The following PCDH15 variants were observed in gnomAD, a reference collection of about 807,000 sequenced individuals.
PCDH15 encodes protocadherin-15.
In PCDH15, 129 loss-of-function variants were observed where a neutral mutation model predicts 178.5. That is an observed-to-expected ratio of 0.72 (90% CI 0.63 to 0.84). The LOEUF (loss-of-function observed/expected upper bound fraction) is 0.84. PCDH15 is among the 40% of genes least tolerant of loss of function. PCDH15 has a pLI of 0.00. For synonymous variants in PCDH15, 800 were observed against 732.0 expected (o/e 1.09, Z -1.50); for missense variants, 2,230 against 2,099.9 (o/e 1.06, Z -1.21).
intron 2 of PCDH15, among the ~76,000 whole-genome samples, chr10:54,645,334 AT>A (rs2094107148): frequency 6.6e-6 from 1 of 152,114 alleles, no homozygotes; most frequent in Non-Finnish European, 1.5e-5. Context: ...AGAGAGAGAA[AT>A]GGTAAATAGA....
At chr10:54,541,586 T>C (rs1565548111) in intron 2 of PCDH15, among the ~76,000 whole-genome samples, 1 of 152,160 alleles carries the variant, frequency 6.6e-6, no homozygotes, top group South Asian at 2.1e-4. Flanking sequence ...CCAAAAGAAC[T>C]TTTCTGTTAT....
At chr10:53,914,272 C>G (rs1209295237) in intron 25 of PCDH15, among the ~76,000 whole-genome samples, 1 of 151,974 alleles carries the variant, frequency 6.6e-6, no homozygotes, top group Non-Finnish European at 1.5e-5. Context: ...GGATATATAC[C>G]CAAAGGATGA....
chr10:55,020,656 G>T (rs114305565), intron 2 of PCDH15, among the ~76,000 whole-genome samples: 3,313 of 152,176 alleles, frequency 0.022, 120 homozygotes, highest in African/African-American at 0.075. Context: ...TGGGAACTGG[G>T]TCACACAAAT....
chr10:54,126,068 T>A (rs772613262), intron 15 of PCDH15, among the ~76,000 whole-genome samples: 58 of 133,098 alleles, frequency 4.4e-4, no homozygotes, highest in Non-Finnish European at 7.7e-4. Flanking sequence ...TAAAAAGAAT[T>A]ACCATTTTTT....
At chr10:54,327,801 G>C (rs1938488875) in intron 7 of PCDH15, among the ~76,000 whole-genome samples, 1 of 152,048 alleles carries the variant, frequency 6.6e-6, no homozygotes, top group Non-Finnish European at 1.5e-5. Flanking sequence ...GATGGCTTCA[G>C]AGTATAGCTG....
intron 2 of PCDH15, among the ~76,000 whole-genome samples, chr10:54,648,813 A>AT (rs993229823): frequency 1.3e-5 from 2 of 152,220 alleles, no homozygotes; most frequent in East Asian, 1.9e-4. Context: ...AATGATATAT[A>AT]TTTTTTTCCT....
At chr10:53,818,257 A>T (rs1275394343) in intron 33 of PCDH15, 1 of 324,874 alleles carries the variant, frequency 3.1e-6, no homozygotes, top group African/African-American at 2.1e-5. Context: ...GCAACAAAAC[A>T]TGCAAAATCT....
chr10:54,776,835 C>CA (rs1405375580), intron 1 of PCDH15, among the ~76,000 whole-genome samples: 1 of 152,042 alleles, frequency 6.6e-6, no homozygotes, highest in Non-Finnish European at 1.5e-5. Context: ...TAGAGAGGAC[C>CA]AAGAAGCTGT....
At chr10:55,418,576 T>C (rs928133282) in intron 2 of PCDH15, among the ~76,000 whole-genome samples, 2 of 151,636 alleles carry the variant, frequency 1.3e-5, no homozygotes, top group Non-Finnish European at 3.0e-5. Flanking sequence ...GCCCACCAGA[T>C]ATTTAACTGT....
At chr10:55,068,119 G>T (rs893633628) in intron 2 of PCDH15, among the ~76,000 whole-genome samples, 6 of 151,730 alleles carry the variant, frequency 4.0e-5, no homozygotes, top group Non-Finnish European at 8.8e-5. Context: ...TGTTTTATTT[G>T]CCTGTACTTT....
intron 2 of PCDH15, among the ~76,000 whole-genome samples, chr10:55,376,328 C>T (rs1326203295): frequency 2.6e-5 from 4 of 152,158 alleles, no homozygotes; most frequent in Middle Eastern, 3.4e-3. Context: ...TTAAGCGGTA[C>T]GACTATGAGA....
intron 1 of PCDH15, among the ~76,000 whole-genome samples, chr10:55,196,602 C>T (rs1429657301): frequency 1.3e-5 from 2 of 152,034 alleles, no homozygotes; most frequent in East Asian, 3.8e-4. Context: ...CACACAATCT[C>T]TAATTATAAA....
chr10:55,357,600 A>T (rs1275726061), intron 2 of PCDH15, among the ~76,000 whole-genome samples: 1 of 152,032 alleles, frequency 6.6e-6, no homozygotes, highest in Non-Finnish European at 1.5e-5. Flanking sequence ...ATTAGACAGT[A>T]TCTATAAAAT....
chr10:54,908,297 G>A (rs1302218892), intron 2 of PCDH15, among the ~76,000 whole-genome samples: 1 of 152,104 alleles, frequency 6.6e-6, no homozygotes, highest in African/African-American at 2.4e-5. Flanking sequence ...GCAACTCCAG[G>A]TGCTGGCACA....
intron 18 of PCDH15, among the ~76,000 whole-genome samples, chr10:54,064,026 C>T (rs2094087191): frequency 6.6e-6 from 1 of 152,058 alleles, no homozygotes; most frequent in South Asian, 2.1e-4. Context: ...TGGTGGGTCC[C>T]GAGTTTTTGG....
At chr10:55,463,973 G>GAA (rs61052240) in intron 2 of PCDH15, among the ~76,000 whole-genome samples, 4 of 11,766 alleles carry the variant, frequency 3.4e-4, no homozygotes, top group Admixed American at 1.1e-3. Flanking sequence ...AAGAAAGAAA[G>GAA]AGAAAGAAAG....
chr10:55,238,826 G>T (rs1385039147), intron 1 of PCDH15, among the ~76,000 whole-genome samples: 1 of 151,990 alleles, frequency 6.6e-6, no homozygotes, highest in Admixed American at 6.6e-5. Context: ...AAGGTAACTG[G>T]GGTATCTATT....
intron 1 of PCDH15, among the ~76,000 whole-genome samples, chr10:54,791,366 C>T (rs1951393052): frequency 1.3e-5 from 2 of 151,838 alleles, no homozygotes; most frequent in Admixed American, 1.3e-4. Context: ...ATTAATAATT[C>T]ACTCAATGGG....
rs549117587 is a variant in PCDH15 at position 54,214,113 on chromosome 10, C to T, written c.986-65G>A. The T allele has an allele frequency of 4.4e-6, 4 of 902,534 alleles. No individual in the cohort carries two copies. The East Asian group carries it at 7.4e-5, about 17-fold the overall frequency. 55.9% of individuals were successfully genotyped at this position (902,534 alleles called of 1,614,324 possible). A position where few individuals can be genotyped will look rare whatever the true frequency, so the allele number is the denominator to read the frequency against. On this transcript the variant is annotated intron_variant, in intron 9 of 37. Transcript: ENST00000644397. ...TAAGTAATATGTGTATCTGCTTTTT[C>T]TATTTCCCTTCATCAGCTGAGGAAC...
Sources: allele counts gnomAD v4.1 joint callset (sites outside exome capture counted in the v4.1 genomes callset), GRCh38; gene constraint gnomAD v4.1.1; transcripts MANE v1.5; gene names NCBI Gene and HGNC (gene_info 2026-07-23, HGNC 2026-07-21).